The following BCL2L13 variants were observed in gnomAD, a reference collection of about 807,000 sequenced individuals.
The protein encoded by BCL2L13 is BCL2 like 13, also known as bcl-2-like protein 13.
Under a neutral mutation model 25.8 loss-of-function variants are expected in BCL2L13, and 13 were observed. That is an observed-to-expected ratio of 0.50 (90% confidence interval 0.33 to 0.80). The LOEUF (loss-of-function observed/expected upper bound fraction) is 0.80, where lower values mean the gene tolerates loss of function less well. Among genes scored for constraint, BCL2L13 ranks in the 30% least tolerant of loss-of-function variants. BCL2L13 has a pLI of 0.02. For synonymous variants in BCL2L13, 244 were observed against 230.3 expected (o/e 1.06, Z -0.54); for missense variants, 504 against 574.9 (o/e 0.88, Z 1.26).
chr22:17,671,493 G>A (rs1196462717), intron 2 of BCL2L13, among the ~76,000 whole-genome samples: 1 of 151,556 alleles, frequency 6.6e-6, no homozygotes, highest in Non-Finnish European at 1.5e-5. Flanking sequence ...CTTGAACCTG[G>A]GCAGCAGAGG....
intron 1 of BCL2L13, among the ~76,000 whole-genome samples, chr22:17,652,839 T>G (rs2058730633): frequency 6.6e-6 from 1 of 151,806 alleles, no homozygotes; most frequent in African/African-American, 2.4e-5. Context: ...CCGAGGTGGG[T>G]GAATCACGAG....
intron 1 of BCL2L13, among the ~76,000 whole-genome samples, chr22:17,652,490 G>A (rs1601521766): frequency 1.3e-5 from 2 of 152,152 alleles, no homozygotes; most frequent in African/African-American, 4.8e-5. Flanking sequence ...CCAAGCTGGA[G>A]TGCAGTGGTG....
chr22:17,651,844 C>T (rs185483894), intron 1 of BCL2L13, among the ~76,000 whole-genome samples: 231 of 152,258 alleles, frequency 1.5e-3, no homozygotes, highest in African/African-American at 5.2e-3. Flanking sequence ...GCGCCTGCCA[C>T]CACGCCCGGC....
chr22:17,651,491 C>T (rs1768945264), intron 1 of BCL2L13, among the ~76,000 whole-genome samples: 1 of 151,188 alleles, frequency 6.6e-6, no homozygotes, highest in East Asian at 2.0e-4. Context: ...AATTGATTTT[C>T]CTGCCTCCGC....
chr22:17,720,868 A>G (rs2061102156), intron 6 of BCL2L13, among the ~76,000 whole-genome samples: 1 of 151,944 alleles, frequency 6.6e-6, no homozygotes, highest in Admixed American at 6.6e-5. Flanking sequence ...AAAAGTTTTT[A>G]AAAATTGATA....
At chr22:17,639,109 C>T (rs2058173646) in intron 1 of BCL2L13, among the ~76,000 whole-genome samples, 1 of 152,224 alleles carries the variant, frequency 6.6e-6, no homozygotes, top group Admixed American at 6.5e-5. Context: ...GGCCCCGCCG[C>T]TGAGCAGGCT....
At chr22:17,696,515 T>C (rs970275031) in intron 5 of BCL2L13, among the ~76,000 whole-genome samples, 1 of 152,196 alleles carries the variant, frequency 6.6e-6, no homozygotes, top group Non-Finnish European at 1.5e-5. Flanking sequence ...TATTAACATG[T>C]GAGTGTGTCT....
rs1165057650 is a variant in BCL2L13 at position 17,653,442 on chromosome 22, C to G, written c.-50-2220C>G. Among the ~76,000 whole-genome samples, 4 of 151,272 alleles carry G rather than the reference C, an allele frequency of 2.6e-5. No individual in the cohort carries two copies. The East Asian group carries it at 7.7e-4, about 29-fold the overall frequency. On this transcript the variant is annotated intron_variant, in intron 1 of 6. Transcript: ENST00000317582. ...CTGAGGTTTTTCCATATTCTCGTAACTTGTCTCCTTGCGTCTACTCTTCAG... is the reference window on the plus strand; with the variant it reads ...CTGAGGTTTTTCCATATTCTCGTAAGTTGTCTCCTTGCGTCTACTCTTCAG...
At chr22:17,670,797 C>T (rs1403252813) in intron 2 of BCL2L13, among the ~76,000 whole-genome samples, 1 of 152,162 alleles carries the variant, frequency 6.6e-6, no homozygotes, top group African/African-American at 2.4e-5. Context: ...TTGATCTCGA[C>T]CACTGTGAAG....
At position 17,655,757 on chromosome 22, in the gene BCL2L13, A is replaced by G. The variant is rs2058834223; in HGVS notation, c.46A>G (p.Lys16Glu). Residue 16 changes from lysine (K) to glutamate (E), a missense_variant, in exon 2 of 7, where the codon AAG becomes GAG. By Grantham distance (56) the Lys-to-Glu change is moderately conservative. Transcript: ENST00000317582. ...TVPLGFHYET[K>E]YVVLSYLGLL... is the part of the protein sequence containing the mutation. ...GCCTCTGGGATTTCACTATGAAACAAAGTATGTTGTTCTCAGCTACTTGGG... is the reference window on the plus strand; with the variant it reads ...GCCTCTGGGATTTCACTATGAAACAGAGTATGTTGTTCTCAGCTACTTGGG... 3 of 1,613,700 alleles carry G rather than the reference A, an allele frequency of 1.9e-6. No individual in the cohort carries two copies. The highest frequency in any genetic ancestry group is 2.5e-6 in the Non-Finnish European group (3 of 1,179,846).
chr22:17,699,310 T>C (rs563898500), intron 5 of BCL2L13, among the ~76,000 whole-genome samples: 62 of 152,336 alleles, frequency 4.1e-4, no homozygotes, highest in African/African-American at 1.4e-3. Context: ...GTCACTGTTA[T>C]CATAAATATT....
chr22:17,706,923 C>A, intron 6 of BCL2L13: 1 of 925,834 alleles, frequency 1.1e-6, no homozygotes, highest in Non-Finnish European at 1.6e-6. Context: ...GAGGGAATGT[C>A]ATCTGTCTAT....
intron 1 of BCL2L13, among the ~76,000 whole-genome samples, chr22:17,652,412 A>G (rs1250619811): frequency 6.6e-6 from 1 of 152,108 alleles, no homozygotes; most frequent in Non-Finnish European, 1.5e-5. Context: ...TATAACAACT[A>G]TTTTATGTAA....
chr22:17,715,146 ATATATATATATATATATATATATATTTT>A (rs1481943949), intron 6 of BCL2L13, among the ~76,000 whole-genome samples: 517 of 8,110 alleles, frequency 0.064, 19 homozygotes, highest in African/African-American at 0.083. Context: ...ATATATATAT[ATATATATATATATATATATATATATTTT>A]TTTTTTTTTT....
At chr22:17,638,049 A>G (rs2058143470), upstream of BCL2L13, 1 of 152,110 alleles carries the variant, frequency 6.6e-6, no homozygotes. Context: ...AATTCAGTAC[A>G]CACACCACGG....
intron 1 of BCL2L13, among the ~76,000 whole-genome samples, chr22:17,630,936 C>T (rs1235560456): frequency 1.3e-5 from 2 of 151,928 alleles, no homozygotes; most frequent in African/African-American, 4.8e-5. Context: ...TTATAACCTT[C>T]TTATAACCTT....
intron 1 of BCL2L13, among the ~76,000 whole-genome samples, chr22:17,644,626 G>T (rs555113843): frequency 6.6e-6 from 1 of 150,980 alleles, no homozygotes; most frequent in Non-Finnish European, 1.5e-5. Flanking sequence ...CACCACGCCC[G>T]ACTGCATTTA....
chr22:17,721,525 A>ATTTTTTTTT (rs3044620), intron 6 of BCL2L13, among the ~76,000 whole-genome samples: 1 of 122,774 alleles, frequency 8.1e-6, no homozygotes, highest in Non-Finnish European at 1.6e-5. Context: ...CTTATAAGAA[A>ATTTTTTTTT]TTTTTTTTTT....
intron 2 of BCL2L13, among the ~76,000 whole-genome samples, chr22:17,676,566 G>A (rs905997527): frequency 1.3e-5 from 2 of 152,150 alleles, no homozygotes; most frequent in African/African-American, 4.8e-5. Flanking sequence ...ACCACTTTAC[G>A]GCTGTTTTCC....
Sources: gnomAD v4.1 joint callset for allele counts (sites outside exome capture counted in the v4.1 genomes callset) on GRCh38, gnomAD v4.1.1 for gene constraint, MANE v1.5 for transcripts, NCBI Gene and HGNC (gene_info 2026-07-23, HGNC 2026-07-21) for gene names.